Variants in USP9X observed in about 807,000 individuals in gnomAD.
USP9X encodes ubiquitin specific peptidase 9 X-linked.
USP9X carries 7 observed loss-of-function variants against 190.3 expected under a neutral mutation model. The ratio of observed to expected loss-of-function variants is 0.04; its 90% CI spans 0.02 to 0.07. The LOEUF (loss-of-function observed/expected upper bound fraction) is 0.07, where lower values mean the gene tolerates loss of function less well. Ranked by LOEUF, USP9X falls within the 10% of genes least tolerant of loss-of-function variation. The pLI is 1.00. For synonymous variants in USP9X, 645 were observed against 659.5 expected, an observed-to-expected ratio of 0.98 and a Z score of 0.34; for missense variants, 1,010 against 1,916.9, an observed-to-expected ratio of 0.53 and a Z score of 8.83.
Position 41,085,583 on chromosome X carries a change from C to G in USP9X, c.-685C>G, listed in dbSNP as rs1324704374. The stretch of plus-strand genomic sequence containing the variant: ...GCGCCTAGCCCCTCCCCGCCTTACA[C>G]AGCTCCCGGGCCTCGCGGGAGCCCG... On this transcript the variant is annotated 5_prime_UTR_variant, in exon 1 of 45. Transcript: ENST00000378308. 5 of 269,242 alleles carry G rather than the reference C, an allele frequency of 1.9e-5. No homozygotes were observed. The highest frequency in any genetic ancestry group is 1.3e-4 in the Admixed American group (2 of 15,336). The allele number at this position is 269,242 out of a possible 1,213,427, so 22.2% of individuals were successfully genotyped here.
Position 41,232,522 on chromosome X carries a change from T to C in USP9X, c.7663T>C (p.Ter2555ArgextTer5), listed in dbSNP as rs1186325484. The C allele has an allele frequency of 1.4e-5, 17 of 1,209,988 alleles. No individual in the cohort carries two copies. Among genetic ancestry groups the C allele is most frequent in the Non-Finnish European group, 1.9e-5 (17 of 894,617 alleles). ...ATCCCCACCTCAAACCAAGGATCAA[T>C]GAAATGCACATAATTAACTGGTTCC... ...EVSPPQTKDQ[*>R] The change falls in exon 45 of 45, where the codon TGA becomes CGA. Residue 2555 changes from the stop codon to arginine (R), a stop_lost. Transcript: ENST00000378308.
intron 14 of USP9X, among the ~76,000 whole-genome samples, chrX:41,160,672 G>A (rs1028255507): frequency 9.0e-6 from 1 of 111,536 alleles, no homozygotes; most frequent in Admixed American, 9.5e-5. Context: ...TGTGTTACTC[G>A]CCACAATGCT....
intron 44 of USP9X, among the ~76,000 whole-genome samples, chrX:41,231,687 A>G (rs928272015): frequency 3.8e-5 from 4 of 104,929 alleles, no homozygotes; most frequent in Non-Finnish European, 7.8e-5. Flanking sequence ...TCGAGATAGC[A>G]CCATTGCACT....
chrX:41,129,898 C>G (rs1394548282), intron 3 of USP9X, among the ~76,000 whole-genome samples: 1 of 110,962 alleles, frequency 9.0e-6, no homozygotes, highest in Non-Finnish European at 1.9e-5. Context: ...AAAAATAAGT[C>G]AACACTATTA....
chrX:41,196,822 T>C, intron 28 of USP9X, 84 bp downstream of exon 28: 3 of 822,748 alleles, frequency 3.6e-6, no homozygotes, highest in Non-Finnish European at 5.0e-6. Context: ...TTGAGCATTT[T>C]GGTTAAATGG....
At chrX:41,098,450 C>T (rs1298767999) in intron 1 of USP9X, among the ~76,000 whole-genome samples, 1 of 108,315 alleles carries the variant, frequency 9.2e-6, no homozygotes, top group Non-Finnish European at 1.9e-5. Context: ...TGACCTCTGT[C>T]TTTTAATGAA....
At chrX:41,176,815 T>A (rs954347073) in intron 21 of USP9X, among the ~76,000 whole-genome samples, 2 of 112,369 alleles carry the variant, frequency 1.8e-5, no homozygotes, top group Non-Finnish European at 3.8e-5. Context: ...GCCAATTGAT[T>A]GTGAGCTAAT....
At chrX:41,222,206 C>T (rs1224595010) in intron 38 of USP9X, among the ~76,000 whole-genome samples, 1 of 111,777 alleles carries the variant, frequency 8.9e-6, no homozygotes, top group Non-Finnish European at 1.9e-5. Flanking sequence ...AAGCCGTGAG[C>T]GTGGGCTAGA....
chrX:41,105,384 A>G (rs1411488940), intron 1 of USP9X, among the ~76,000 whole-genome samples: 2 of 112,149 alleles, frequency 1.8e-5, no homozygotes, highest in Admixed American at 9.5e-5. Flanking sequence ...CAGGTACCTC[A>G]TAAGTGGAAT....
In USP9X at chrX:41,120,840, GT is replaced by G. The variant is rs772931570; in HGVS notation, c.-158-2615del. 6.5e-3 allele frequency among the ~76,000 whole-genome samples: 583 copies of G among 90,037 alleles called. 5 individuals carry two copies. Among genetic ancestry groups the G allele is most frequent in the African/African-American group, 0.017 (411 of 24,216 alleles). The allele number at this position is 90,037 out of a possible 115,157, so 78.2% of individuals were successfully genotyped here. ...CAGTTTTTGTGTGTGCTTTAGTCAA[GT>G]TTTTTTTTTTTTTTTGAGACAGGGT... On this transcript the variant is annotated intron_variant, in intron 1 of 44. Transcript: ENST00000378308.
At chrX:41,150,100 A>T (rs1166097279) in intron 12 of USP9X, among the ~76,000 whole-genome samples, 1 of 110,707 alleles carries the variant, frequency 9.0e-6, no homozygotes, top group East Asian at 2.8e-4. Context: ...TTGCTGCCGA[A>T]AAAGGAATAT....
chrX:41,230,219 G>C (rs1478291923), intron 43 of USP9X, among the ~76,000 whole-genome samples: 1 of 111,130 alleles, frequency 9.0e-6, no homozygotes, highest in Non-Finnish European at 1.9e-5. Context: ...GAAAAGAAAA[G>C]AATGTTTATT....
At chrX:41,113,930 G>A (rs2062127819) in intron 1 of USP9X, among the ~76,000 whole-genome samples, 1 of 112,613 alleles carries the variant, frequency 8.9e-6, no homozygotes, top group Admixed American at 9.4e-5. Context: ...GTGGTGCCAC[G>A]TGCAGTTGAG....
chrX:41,090,560 T>C (rs2061948260), intron 1 of USP9X, among the ~76,000 whole-genome samples: 1 of 112,575 alleles, frequency 8.9e-6, no homozygotes, highest in African/African-American at 3.2e-5. Context: ...TTATTCTCAA[T>C]CACTGCCTAA....
Position 41,230,199 on chromosome X carries a change from C to G in USP9X, c.7432-302C>G, listed in dbSNP as rs143256760. On this transcript the variant is annotated intron_variant, in intron 43 of 44. Coordinates refer to ENST00000378308, the MANE Select transcript of USP9X (RefSeq NM_001039591.3). ...TTGGGTGACAAGAGTGAAACTCCAT[C>G]TCAAAAAAAGAAAAGAAAAGAATGT... 4.6e-3 allele frequency among the ~76,000 whole-genome samples: 508 copies of G among 111,078 alleles called. 2 individuals carry two copies. Among genetic ancestry groups the G allele is most frequent in the African/African-American group, 0.014 (443 of 30,681 alleles).
intron 29 of USP9X, among the ~76,000 whole-genome samples, chrX:41,198,157 T>C (rs761874299): frequency 8.0e-5 from 9 of 112,620 alleles, no homozygotes; most frequent in Non-Finnish European, 1.7e-4. Context: ...TTTAATGAGT[T>C]TTTTCATACA....
chrX:41,168,392 G>A, intron 18 of USP9X, 174 bp downstream of exon 18: 2 of 405,942 alleles, frequency 4.9e-6, no homozygotes, highest in Middle Eastern at 7.1e-4. Flanking sequence ...CTCCCATCTG[G>A]TTTTGTTTTG....
Position 41,198,765 on chromosome X carries a change from TAGAA to T in USP9X, c.4603+16_4603+19del. ...AGCAATAACTAGTAAGTATTTTTAA[TAGAA>T]TGTGATAATTGATCATTTCAATGTT... On this transcript the variant is annotated intron_variant, in intron 30 of 44. Transcript: ENST00000378308. 2 of 1,134,146 alleles carry T rather than the reference TAGAA, an allele frequency of 1.8e-6. No homozygotes were observed. The highest frequency in any genetic ancestry group is 2.4e-6 in the Non-Finnish European group (2 of 834,785). The allele number at this position is 1,134,146 out of a possible 1,213,427, so 93.5% of individuals were successfully genotyped here. A position where few individuals can be genotyped will look rare whatever the true frequency, so the allele number is the denominator to read the frequency against.
At chrX:41,200,954 G>A in intron 30 of USP9X, 106 bp from the exon 31 acceptor site, 2 of 835,949 alleles carry the variant, frequency 2.4e-6, no homozygotes, top group Admixed American at 5.3e-5. Flanking sequence ...AGGGTTAGTC[G>A]AATTATGGGT....
Sources: gnomAD v4.1 joint callset for allele counts (sites outside exome capture counted in the v4.1 genomes callset) on GRCh38, gnomAD v4.1.1 for gene constraint, MANE v1.5 for transcripts, NCBI Gene and HGNC (gene_info 2026-07-23, HGNC 2026-07-21) for gene names.